The following SLBP variants were observed in gnomAD, a reference collection of about 807,000 sequenced individuals.
The protein encoded by SLBP is histone RNA hairpin-binding protein.
Under a neutral mutation model 39.2 loss-of-function variants are expected in SLBP, and 29 were observed. That is an observed-to-expected ratio of 0.74 (90% CI 0.55 to 1.01). The LOEUF is 1.01. Among genes scored for constraint, SLBP ranks in the 50% least tolerant of loss-of-function variants. The pLI, the probability that SLBP is intolerant of heterozygous loss-of-function variation, is 0.00. For missense variants in SLBP, 390 were observed against 350.2 expected, an observed-to-expected ratio of 1.11 and a Z score of -0.91; for synonymous variants, 129 against 118.7, an observed-to-expected ratio of 1.09 and a Z score of -0.57.
At chr4:1,700,585 G>T (rs1716288628) in intron 3 of SLBP, among the ~76,000 whole-genome samples, 1 of 151,450 alleles carries the variant, frequency 6.6e-6, no homozygotes, top group Admixed American at 6.6e-5. Context: ...TTTGAGATGG[G>T]GTCTCACTCT....
In SLBP at chr4:1,693,507, A is replaced by C; in HGVS notation, c.*90T>G. 1 of 756,366 alleles carries C rather than the reference A, an allele frequency of 1.3e-6. No homozygotes were observed. Among genetic ancestry groups the C allele is most frequent in the Non-Finnish European group, 2.4e-6 (1 of 421,794 alleles). The allele number at this position is 756,366 out of a possible 1,614,324, so 46.9% of individuals were successfully genotyped here. A position where few individuals can be genotyped will look rare whatever the true frequency, so the allele number is the denominator to read the frequency against. On this transcript the variant is annotated 3_prime_UTR_variant, in exon 8 of 8. Transcript: ENST00000489418. Reference sequence around the variant, plus strand: ...ATGGACTGCTAACAGAGAAACCACCAGGTACAAGTGCACACACATGCTTGG... The same window carrying C: ...ATGGACTGCTAACAGAGAAACCACCCGGTACAAGTGCACACACATGCTTGG...
In SLBP at chr4:1,696,339, T is replaced by A. The variant is rs780681911; in HGVS notation, c.492A>T (p.Gln164His). 1 of 1,581,206 alleles carries A rather than the reference T, an allele frequency of 6.3e-7. No individual in the cohort carries two copies. ...TAGGGGTCTTGGGATGAATGCCAGG[T>A]TGTCGAAGGTGTCTACAGGAGAAAG... ...YIKEVPRHLR[Q>H]PGIHPKTPNK... Residue 164 changes from glutamine (Q) to histidine (H), a missense_variant, in exon 6 of 8, where the codon CAA (glutamine) becomes CAT (histidine). Gln to His is a conservative substitution (Grantham distance 24). Coordinates refer to ENST00000489418, the MANE Select transcript of SLBP (RefSeq NM_006527.4).
At chr4:1,704,693 G>T (rs572054498) in intron 2 of SLBP, among the ~76,000 whole-genome samples, 40 of 152,146 alleles carry the variant, frequency 2.6e-4, no homozygotes, top group Non-Finnish European at 4.7e-4. Flanking sequence ...GCTCTGCAAG[G>T]TAAGTCTCTA....
chr4:1,698,084 G>T (rs893743135), intron 5 of SLBP, among the ~76,000 whole-genome samples: 1 of 151,898 alleles, frequency 6.6e-6, no homozygotes, highest in South Asian at 2.1e-4. Flanking sequence ...CATGATGGTT[G>T]GGCGTGGTGG....
At chr4:1,695,078 A>T (rs762763712) in intron 6 of SLBP, among the ~76,000 whole-genome samples, 15 of 152,318 alleles carry the variant, frequency 9.8e-5, no homozygotes, top group Middle Eastern at 3.4e-3. Flanking sequence ...GGCTCACCAC[A>T]CAAGCATCCT....
chr4:1,710,961 G>C lies in SLBP; in HGVS notation c.176+913C>G, dbSNP rs539219023. On this transcript the variant is annotated intron_variant, in intron 2 of 7. Coordinates refer to ENST00000489418, the MANE Select transcript of SLBP (RefSeq NM_006527.4). ...AGCTGCTGGGGAGGCTGAGGCAGGAGAATCACTTGAACCCGGGAGGGGGAG... is the reference window on the plus strand; with the variant it reads ...AGCTGCTGGGGAGGCTGAGGCAGGACAATCACTTGAACCCGGGAGGGGGAG... Among the ~76,000 whole-genome samples the C allele has an allele frequency of 4.6e-3, 693 of 149,690 alleles. 6 individuals carry two copies. The highest frequency in any genetic ancestry group is 0.016 in the African/African-American group (664 of 40,780).
rs1715965255 is a variant in SLBP at position 1,692,777 on chromosome 4, G to A, written c.*820C>T. The A allele has an allele frequency of 6.6e-6, 1 of 152,624 alleles. No homozygotes were observed. The highest frequency in any genetic ancestry group is 2.1e-4 in the South Asian group (1 of 4,832). The allele number at this position is 152,624 out of a possible 1,614,324, so 9.5% of individuals were successfully genotyped here. Reference sequence around the variant, plus strand: ...AGCTCTCACGGCAGCTGGCCCACCTGGCAACAGCCCCAGTCAGTGAAAGAG... The same window carrying A: ...AGCTCTCACGGCAGCTGGCCCACCTAGCAACAGCCCCAGTCAGTGAAAGAG... On this transcript the variant is annotated 3_prime_UTR_variant, in exon 8 of 8. Transcript: ENST00000489418.
intron 2 of SLBP, among the ~76,000 whole-genome samples, chr4:1,705,683 T>C (rs1037424570): frequency 3.3e-5 from 5 of 152,242 alleles, no homozygotes; most frequent in African/African-American, 9.6e-5. Context: ...CTACAGCAAA[T>C]TGTCCACTCT....
At chr4:1,699,928 G>T in intron 4 of SLBP, 83 bp downstream of exon 4, 1 of 1,014,130 alleles carries the variant, frequency 9.9e-7, no homozygotes, top group Non-Finnish European at 1.5e-6. Context: ...GCGACAGTCA[G>T]CATTTCTGAC....
In SLBP at chr4:1,693,149, A is replaced by G. The variant is rs1715979182; in HGVS notation, c.*448T>C. ...CATATTGATAAAAGGCCAAAAATTA[A>G]GTTTCCATAAAGATATTAAAGGTGT... On this transcript the variant is annotated 3_prime_UTR_variant, in exon 8 of 8. Transcript: ENST00000489418. The G allele has an allele frequency of 6.3e-6, 1 of 157,808 alleles. No individual in the cohort carries two copies. Among genetic ancestry groups the G allele is most frequent in the African/African-American group, 2.4e-5 (1 of 41,480 alleles). The allele number at this position is 157,808 out of a possible 1,614,324, so 9.8% of individuals were successfully genotyped here. A position where few individuals can be genotyped will look rare whatever the true frequency, so the allele number is the denominator to read the frequency against.
Position 1,703,594 on chromosome 4 carries a change from A to G in SLBP, c.281+2T>C. On this transcript the variant is annotated splice_donor_variant, in intron 3 of 7. Coordinates refer to ENST00000489418, the MANE Select transcript of SLBP (RefSeq NM_006527.4). LOFTEE classifies it high-confidence loss of function. ...CACTTCAAGGTGGTCCAAAATGTGTACCTTGCCATTTCTTTGTTAACTCTG... is the reference window on the plus strand; with the variant it reads ...CACTTCAAGGTGGTCCAAAATGTGTGCCTTGCCATTTCTTTGTTAACTCTG... 1.3e-6 allele frequency: 2 copies of G among 1,579,484 alleles called. No homozygotes were observed. Among genetic ancestry groups the G allele is most frequent in the Non-Finnish European group, 1.7e-6 (2 of 1,148,386 alleles).
chr4:1,699,468 T>C, intron 5 of SLBP, 96 bp downstream of exon 5: 2 of 1,212,654 alleles, frequency 1.6e-6, no homozygotes, highest in South Asian at 2.7e-5. Flanking sequence ...AGGTGTGAAC[T>C]ATCCCCAGCA....
chr4:1,699,516 C>A (rs377036027), intron 5 of SLBP, 48 bp downstream of exon 5: 10 of 1,602,892 alleles, frequency 6.2e-6, no homozygotes, highest in South Asian at 1.1e-5. Context: ...TCTTTAGAAA[C>A]GCAATGCCAC....
At chr4:1,699,919 C>T (rs1198511058) in intron 4 of SLBP, 92 bp downstream of exon 4, 5 of 946,356 alleles carry the variant, frequency 5.3e-6, no homozygotes, top group Admixed American at 2.3e-5. Flanking sequence ...AATGCTACTG[C>T]GACAGTCAGC....
chr4:1,698,927 C>A (rs1220580467), intron 5 of SLBP, among the ~76,000 whole-genome samples: 1 of 152,104 alleles, frequency 6.6e-6, no homozygotes, highest in East Asian at 1.9e-4. Flanking sequence ...GTAGCTGGGA[C>A]TACAGGTGCA....
At chr4:1,708,241 C>A (rs1046000445) in intron 2 of SLBP, among the ~76,000 whole-genome samples, 2 of 152,062 alleles carry the variant, frequency 1.3e-5, no homozygotes, top group Non-Finnish European at 2.9e-5. Context: ...GACAGTTATG[C>A]CCCGTCACAA....
chr4:1,711,759 G>C (rs896220883), intron 2 of SLBP, 115 bp downstream of exon 2: 2 of 488,290 alleles, frequency 4.1e-6, no homozygotes, highest in Non-Finnish European at 6.5e-6. Context: ...AAGATAAAAG[G>C]ACGCAGGGTG....
chr4:1,697,643 C>A (rs765651920), intron 5 of SLBP, among the ~76,000 whole-genome samples: 11 of 151,768 alleles, frequency 7.2e-5, no homozygotes, highest in Non-Finnish European at 1.0e-4. Flanking sequence ...GAGTTCGAGA[C>A]CAGCCTGACC....
chr4:1,693,487 C>A lies in SLBP; in HGVS notation c.*110G>T, dbSNP rs1715991726. On this transcript the variant is annotated 3_prime_UTR_variant, in exon 8 of 8. Transcript: ENST00000489418. ...AAATAATTCAGCATGAGCTAATGGA[C>A]TGCTAACAGAGAAACCACCAGGTAC... is the stretch of plus-strand genomic sequence containing the variant. 2 of 704,664 alleles carry A rather than the reference C, an allele frequency of 2.8e-6. No individual in the cohort carries two copies. The highest frequency in any genetic ancestry group is 1.8e-5 in the African/African-American group (1 of 56,942). 43.7% of individuals were successfully genotyped at this position (704,664 alleles called of 1,614,324 possible).
Sources: gnomAD v4.1 joint callset for allele counts (sites outside exome capture counted in the v4.1 genomes callset) on GRCh38, gnomAD v4.1.1 for gene constraint, MANE v1.5 for transcripts, NCBI Gene and HGNC (gene_info 2026-07-23, HGNC 2026-07-21) for gene names.